The following DEK variants were observed in gnomAD, a reference collection of about 807,000 sequenced individuals.
The protein encoded by DEK is DEK proto-oncogene.
DEK carries 28 observed loss-of-function variants against 46.8 expected under a neutral mutation model. The ratio of observed to expected loss-of-function variants is 0.60; its 90% CI spans 0.44 to 0.82. The LOEUF (loss-of-function observed/expected upper bound fraction) is 0.82, where lower values mean the gene tolerates loss of function less well. Ranked by LOEUF, DEK falls within the 40% of genes least tolerant of loss-of-function variation. The pLI is 0.00. For synonymous variants in DEK, 160 were observed against 144.5 expected, an observed-to-expected ratio of 1.11 and a Z score of -0.77; for missense variants, 416 against 430.6, an observed-to-expected ratio of 0.97 and a Z score of 0.30.
rs774377398 is a variant in DEK, at chr6:18,258,059, T to C, written c.251A>G (p.Lys84Arg). 1.2e-5 allele frequency: 19 copies of C among 1,589,698 alleles called. No homozygotes were observed. The African/African-American group carries it at 2.3e-4, about 19-fold the overall frequency. The change falls in exon 4 of 11, where the codon AAG becomes AGG. Residue 84 changes from lysine (K) to arginine (R), a missense_variant. Coordinates refer to ENST00000652689, the MANE Select transcript of DEK (RefSeq NM_003472.4). ...QREPFTIAQG[K>R]GQKLCEIERI... ...CTCAATTTCACAAAGTTTCTGCCCC[T>C]TTCCTGGGGAAAAAAAAAAATCACA...
intron 2 of DEK, among the ~76,000 whole-genome samples, chr6:18,259,843 T>C (rs1791776036): frequency 6.6e-6 from 1 of 152,184 alleles, no homozygotes; most frequent in Admixed American, 6.5e-5. Flanking sequence ...ACAGAAAGAA[T>C]ACTTCAGGAG....
At chr6:18,239,762 GT>G (rs928763906) in intron 7 of DEK, among the ~76,000 whole-genome samples, 1 of 151,996 alleles carries the variant, frequency 6.6e-6, no homozygotes, top group African/African-American at 2.4e-5. Context: ...ATGATTTGTC[GT>G]TTTTTTATGA....
At chr6:18,236,790 T>C (rs1436708462) in intron 8 of DEK, among the ~76,000 whole-genome samples, 190 bp from the exon 9 acceptor site, 4 of 152,130 alleles carry the variant, frequency 2.6e-5, no homozygotes, top group Non-Finnish European at 4.4e-5. Context: ...TCAAAAACTA[T>C]AAAAAACTGG....
chr6:18,255,843 T>C lies in DEK; in HGVS notation c.461A>G (p.Asn154Ser). The change falls in exon 6 of 11, where the codon AAT becomes AGT. Residue 154 changes from asparagine (N) to serine (S), a missense_variant. Physicochemically the swap from Asn to Ser is conservative, Grantham distance 46 (BLOSUM62 1). Transcript: ENST00000652689. ...KKEEMLKKFR[N>S]AMLKSICEVL... is the part of the protein sequence containing the mutation. The stretch of plus-strand genomic sequence containing the variant: ...CTCACAGATGCTCTTTAACATGGCA[T>C]TTCTAAATCTGAAACAGAAAATGGA... 1 of 1,600,510 alleles carries C rather than the reference T, an allele frequency of 6.2e-7. No homozygotes were observed. Among genetic ancestry groups the C allele is most frequent in the Non-Finnish European group, 8.5e-7 (1 of 1,176,920 alleles).
In DEK at chr6:18,249,680, C is replaced by T. The variant is rs1327614209; in HGVS notation, c.733G>A (p.Asp245Asn). 1.3e-6 allele frequency: 2 copies of T among 1,596,070 alleles called. No individual in the cohort carries two copies. Among genetic ancestry groups the T allele is most frequent in the South Asian group, 2.3e-5 (2 of 86,410 alleles). ...TCTTCACTTTCTTTATCTTCATCAT[C>T]TGAAGACTCTTCCTTGTTTTTCTTT... Reference protein sequence around the residue: ...DEKKNKEESSDDEDKESEEEP... With the variant: ...DEKKNKEESSNDEDKESEEEP... The change falls in exon 7 of 11, where the codon GAT becomes AAT. Residue 245 changes from aspartate (D) to asparagine (N), a missense_variant. Physicochemically the swap from Asp to Asn is conservative, Grantham distance 23 (BLOSUM62 1). Coordinates refer to ENST00000652689, the MANE Select transcript of DEK (RefSeq NM_003472.4).
Position 18,225,646 on chromosome 6 carries a change from C to T in DEK, c.*73G>A, listed in dbSNP as rs1398037772. 2.3e-5 allele frequency: 35 copies of T among 1,510,830 alleles called. No homozygotes were observed. Among genetic ancestry groups the T allele is most frequent in the Non-Finnish European group, 3.1e-5 (34 of 1,107,320 alleles). The allele number at this position is 1,510,830 out of a possible 1,614,324, so 93.6% of individuals were successfully genotyped here. A position where few individuals can be genotyped will look rare whatever the true frequency, so the allele number is the denominator to read the frequency against. The stretch of plus-strand genomic sequence containing the variant: ...AAGGATTTAGAAAAGGAAATACATT[C>T]TCTTTGCTGGTATAATGGTATAAAT... On this transcript the variant is annotated 3_prime_UTR_variant, in exon 11 of 11. Transcript: ENST00000652689.
At chr6:18,231,089 G>C (rs180845944) in intron 9 of DEK, among the ~76,000 whole-genome samples, 1 of 152,188 alleles carries the variant, frequency 6.6e-6, no homozygotes, top group Non-Finnish European at 1.5e-5. Context: ...CAACTACATG[G>C]AAACTGAACA....
At chr6:18,256,596 A>G (rs1021894486) in intron 4 of DEK, 141 bp from the exon 5 acceptor site, 1 of 562,112 alleles carries the variant, frequency 1.8e-6, no homozygotes, top group Non-Finnish European at 3.1e-6. Context: ...CAACCAATTC[A>G]ATATGGGTTC....
chr6:18,234,549 CTCCTT>C (rs892869443), intron 9 of DEK, among the ~76,000 whole-genome samples: 2 of 152,154 alleles, frequency 1.3e-5, no homozygotes, highest in Non-Finnish European at 2.9e-5. Context: ...GTCAGGCTCT[CTCCTT>C]TCATTTCCAC....
chr6:18,258,375 T>C lies in DEK; in HGVS notation c.176A>G (p.Glu59Gly). The C allele has an allele frequency of 2.5e-6, 4 of 1,613,330 alleles. No homozygotes were observed. Among genetic ancestry groups the C allele is most frequent in the Non-Finnish European group, 3.4e-6 (4 of 1,179,718 alleles). ...TGTCAACCTCTCTACTTTTTTCTTTTCCCTCTTGCCTTCCACGATGAGACT... is the reference window on the plus strand; with the variant it reads ...TGTCAACCTCTCTACTTTTTTCTTTCCCCTCTTGCCTTCCACGATGAGACT... ...EKSLIVEGKR[E>G]KKKVERLTMQ... Residue 59 changes from glutamate (E) to glycine (G), a missense_variant, in exon 3 of 11, where the codon GAA becomes GGA. Glu to Gly is a moderately conservative substitution (Grantham distance 98). Transcript: ENST00000652689.
At chr6:18,245,948 C>T (rs1454097029) in intron 7 of DEK, among the ~76,000 whole-genome samples, 1 of 152,192 alleles carries the variant, frequency 6.6e-6, no homozygotes, top group Non-Finnish European at 1.5e-5. Flanking sequence ...AAGGGAGTTG[C>T]CCTATACATA....
chr6:18,264,211 G>A (rs1271084628), intron 1 of DEK, 174 bp downstream of exon 1: 8 of 364,744 alleles, frequency 2.2e-5, no homozygotes, highest in Non-Finnish European at 3.8e-5. Flanking sequence ...AACCGCGCCC[G>A]CTGCCCCGCG....
chr6:18,259,523 A>T (rs1001939449), intron 2 of DEK, among the ~76,000 whole-genome samples: 23 of 152,070 alleles, frequency 1.5e-4, no homozygotes, highest in African/African-American at 5.5e-4. Flanking sequence ...AAATAAAGTC[A>T]GATAAAAGAA....
In DEK at chr6:18,249,757, C is replaced by T. The variant is rs766042113; in HGVS notation, c.656G>A (p.Arg219Gln). ...TGACAGAATTTCAGGACATTTGGTTCGCTTAGCCTTCCTTGCCATTCCAGA... is the reference window on the plus strand; with the variant it reads ...TGACAGAATTTCAGGACATTTGGTTTGCTTAGCCTTCCTTGCCATTCCAGA... ...NSSGMARKAK[R>Q]TKCPEILSDE... The change falls in exon 7 of 11, where the codon CGA becomes CAA. Residue 219 changes from arginine (R) to glutamine (Q), a missense_variant. Physicochemically the swap from Arg to Gln is conservative, Grantham distance 43 (BLOSUM62 1). Coordinates refer to ENST00000652689, the MANE Select transcript of DEK (RefSeq NM_003472.4). The T allele has an allele frequency of 9.3e-6, 15 of 1,613,754 alleles. No homozygotes were observed. Among genetic ancestry groups the T allele is most frequent in the Middle Eastern group, 1.6e-4 (1 of 6,080 alleles).
chr6:18,253,804 A>T (rs1791492563), intron 6 of DEK, among the ~76,000 whole-genome samples: 1 of 151,886 alleles, frequency 6.6e-6, no homozygotes, highest in Non-Finnish European at 1.5e-5. Flanking sequence ...TGCAGCACTG[A>T]CCTCCTGAGT....
intron 7 of DEK, among the ~76,000 whole-genome samples, chr6:18,244,348 T>A (rs530508097): frequency 6.6e-6 from 1 of 152,324 alleles, no homozygotes; most frequent in African/African-American, 2.4e-5. Context: ...TAGTACAATG[T>A]ACTATAACCT....
At chr6:18,248,016 G>A (rs1028775529) in intron 7 of DEK, among the ~76,000 whole-genome samples, 1 of 152,006 alleles carries the variant, frequency 6.6e-6, no homozygotes, top group Non-Finnish European at 1.5e-5. Flanking sequence ...AAGAAGATTC[G>A]ATTTAGAAGT....
chr6:18,237,323 A>G, intron 8 of DEK, 58 bp downstream of exon 8: 2 of 1,543,464 alleles, frequency 1.3e-6, no homozygotes, highest in Non-Finnish European at 1.7e-6. Flanking sequence ...TACTATGTAC[A>G]ACATATTAAT....
chr6:18,235,109 C>T (rs567196755), intron 9 of DEK, among the ~76,000 whole-genome samples: 10 of 152,196 alleles, frequency 6.6e-5, no homozygotes, highest in African/African-American at 2.2e-4. Flanking sequence ...GGTGTCCTGC[C>T]TCTCTCATCT....
Sources: gnomAD v4.1 joint callset for allele counts (sites outside exome capture counted in the v4.1 genomes callset) on GRCh38, gnomAD v4.1.1 for gene constraint, MANE v1.5 for transcripts, NCBI Gene and HGNC (gene_info 2026-07-23, HGNC 2026-07-21) for gene names.